The following JPH2 variants were observed in gnomAD, a reference collection of about 807,000 sequenced individuals.
JPH2 encodes junctophilin 2.
In JPH2, 38 loss-of-function variants were observed where a neutral mutation model predicts 55.9. The observed-to-expected ratio is 0.68, with a 90% CI of 0.52 to 0.89. The LOEUF (loss-of-function observed/expected upper bound fraction) is 0.89. Among genes scored for constraint, JPH2 ranks in the 40% least tolerant of loss-of-function variants. The pLI is 0.00. For missense variants in JPH2, 964 were observed against 1,037.6 expected (o/e 0.93, Z 0.97); for synonymous variants, 480 against 472.4 (o/e 1.02, Z -0.21).
At chr20:44,127,356 A>C (rs2072284455) in intron 2 of JPH2, among the ~76,000 whole-genome samples, 1 of 152,034 alleles carries the variant, frequency 6.6e-6, no homozygotes. Context: ...TGGTAACTCT[A>C]TGTTTAACTT....
rs529346091 is a variant in JPH2, at chr20:44,109,945, T to C, written c.*3573A>G. ...AGACCTCAAGGCAGTGGGCCAGCAT[T>C]GCTTTTAAGTTCATGCATGGTACAA... On this transcript the variant is annotated 3_prime_UTR_variant, in exon 6 of 6. Transcript: ENST00000372980. 7.4e-4 allele frequency among the ~76,000 whole-genome samples: 113 copies of C among 152,126 alleles called. No individual in the cohort carries two copies. Among genetic ancestry groups the C allele is most frequent in the Non-Finnish European group, 1.5e-3 (99 of 68,028 alleles).
intron 2 of JPH2, among the ~76,000 whole-genome samples, chr20:44,136,777 G>C (rs2072416368): frequency 6.6e-6 from 1 of 152,114 alleles, no homozygotes; most frequent in South Asian, 2.1e-4. Context: ...ACCTCTCCCA[G>C]TCTCAGTTTC....
At chr20:44,182,198 T>C (rs1413393897) in intron 1 of JPH2, among the ~76,000 whole-genome samples, 1 of 152,184 alleles carries the variant, frequency 6.6e-6, no homozygotes, top group Non-Finnish European at 1.5e-5. Flanking sequence ...ATCTTATTTG[T>C]CCACATCCCC....
chr20:44,144,195 GAAGTC>G lies in JPH2; in HGVS notation c.1169+15418_1169+15422del, dbSNP rs201046820. ...CAGGGACTCACTGGTATGGACTTAG[GAAGTC>G]AAGTGGAAGTTGGACTGGGCTTTGG... On this transcript the variant is annotated intron_variant, in intron 2 of 5. Coordinates refer to ENST00000372980, the MANE Select transcript of JPH2 (RefSeq NM_020433.5). 1.5e-3 allele frequency among the ~76,000 whole-genome samples: 233 copies of G among 152,304 alleles called. 3 individuals carry two copies. The East Asian group carries it at 0.041, about 27-fold the overall frequency.
rs2072137350 is a variant in JPH2 at position 44,110,883 on chromosome 20, G to T, written c.*2635C>A. On this transcript the variant is annotated 3_prime_UTR_variant, in exon 6 of 6. Transcript: ENST00000372980. ...GAGTGAGGGAGCACATGGCCCATCA[G>T]TGATAGGGCTGGGTTGGGTAGGGGA... 6.6e-6 allele frequency among the ~76,000 whole-genome samples: 1 copy of T among 152,238 alleles called. No homozygotes were observed. Among genetic ancestry groups the T allele is most frequent in the South Asian group, 2.1e-4 (1 of 4,832 alleles).
intron 2 of JPH2, among the ~76,000 whole-genome samples, chr20:44,122,481 TTGA>T (rs1348473769): frequency 6.6e-6 from 1 of 152,206 alleles, no homozygotes; most frequent in East Asian, 1.9e-4. Flanking sequence ...AAATAAATCC[TTGA>T]TGAACAACCT....
intron 2 of JPH2, among the ~76,000 whole-genome samples, chr20:44,120,952 G>A (rs762464860): frequency 7.2e-5 from 11 of 152,308 alleles, no homozygotes; most frequent in Non-Finnish European, 1.3e-4. Flanking sequence ...GGACCAGAAA[G>A]GCTACTGTCA....
rs148470083 is a variant in JPH2 at position 44,142,123 on chromosome 20, G to A, written c.1169+17495C>T. On this transcript the variant is annotated intron_variant, in intron 2 of 5. Transcript: ENST00000372980. ...TACCCACTTTGGGAGGTGAGGAAAGGCCCCCAGGATGTGTGCCCAGTTATG... is the reference window on the plus strand; with the variant it reads ...TACCCACTTTGGGAGGTGAGGAAAGACCCCCAGGATGTGTGCCCAGTTATG... Among the ~76,000 whole-genome samples, 13 of 152,210 alleles carry A rather than the reference G, an allele frequency of 8.5e-5. No individual in the cohort carries two copies. The East Asian group carries it at 2.3e-3, about 27-fold the overall frequency.
At chr20:44,127,196 A>C (rs764066314) in intron 2 of JPH2, among the ~76,000 whole-genome samples, 17 of 152,200 alleles carry the variant, frequency 1.1e-4, no homozygotes, top group Non-Finnish European at 2.4e-4. Context: ...TATTTTGTTT[A>C]CCTGTTCAAT....
intron 1 of JPH2, among the ~76,000 whole-genome samples, chr20:44,180,974 G>T (rs1049114555): frequency 6.6e-6 from 1 of 152,018 alleles, no homozygotes; most frequent in Non-Finnish European, 1.5e-5. Flanking sequence ...GCTGGGGCAT[G>T]TGCGGATGCT....
At chr20:44,144,715 C>T (rs1301934274) in intron 2 of JPH2, among the ~76,000 whole-genome samples, 1 of 152,166 alleles carries the variant, frequency 6.6e-6, no homozygotes, top group Non-Finnish European at 1.5e-5. Context: ...TGTCAGTTCT[C>T]GTGTGAGTTT....
At chr20:44,118,365 C>CA (rs1272684080) in intron 3 of JPH2, 140 bp downstream of exon 3, 3 of 773,644 alleles carry the variant, frequency 3.9e-6, no homozygotes, top group Non-Finnish European at 7.0e-6. Flanking sequence ...CATCCCATCC[C>CA]ACATTTGCAC....
At chr20:44,146,450 C>T (rs755697513) in intron 2 of JPH2, among the ~76,000 whole-genome samples, 5 of 152,172 alleles carry the variant, frequency 3.3e-5, no homozygotes, top group South Asian at 2.1e-4. Context: ...CTCGAGAATC[C>T]GGCTCTGACA....
chr20:44,151,820 C>T (rs1033875163), intron 2 of JPH2, among the ~76,000 whole-genome samples: 3 of 152,238 alleles, frequency 2.0e-5, no homozygotes, highest in Non-Finnish European at 4.4e-5. Context: ...CCCATTCCAG[C>T]ATTCTGGATG....
At chr20:44,152,713 G>C (rs2072539979) in intron 2 of JPH2, among the ~76,000 whole-genome samples, 1 of 152,206 alleles carries the variant, frequency 6.6e-6, no homozygotes, top group Non-Finnish European at 1.5e-5. Flanking sequence ...CCATGGTGTG[G>C]AAATGAGTGT....
chr20:44,115,934 A>G lies in JPH2; in HGVS notation c.1741T>C (p.Phe581Leu). Residue 581 changes from phenylalanine (F) to leucine (L), a missense_variant, in exon 4 of 6, where the codon TTT becomes CTT. Phe to Leu is a conservative substitution (Grantham distance 22). Coordinates refer to ENST00000372980, the MANE Select transcript of JPH2 (RefSeq NM_020433.5). Reference sequence around the variant, plus strand: ...ACCTCGGGCTCGGGCTGGTCCTCAAAGGGTGGGGGCTCGGGCGGCGTGGTG... The same window carrying G: ...ACCTCGGGCTCGGGCTGGTCCTCAAGGGGTGGGGGCTCGGGCGGCGTGGTG... The part of the protein sequence containing the change: ...VRTTPPEPPP[F>L]EDQPEPEVSG... 1 of 1,570,344 alleles carries G rather than the reference A, an allele frequency of 6.4e-7. No individual in the cohort carries two copies.
intron 2 of JPH2, among the ~76,000 whole-genome samples, chr20:44,144,980 TGGA>T (rs3092467): frequency 0.71 from 107,419 of 151,676 alleles, 38,650 homozygotes; most frequent in Admixed American, 0.8. Context: ...GATGAAGAAA[TGGA>T]GGTACAGGAA....
At chr20:44,145,686 A>G (rs1474026692) in intron 2 of JPH2, among the ~76,000 whole-genome samples, 1 of 151,694 alleles carries the variant, frequency 6.6e-6, no homozygotes. Context: ...AGATAAAAAC[A>G]TTCCTTTCCA....
At chr20:44,182,053 G>A (rs1177903085) in intron 1 of JPH2, among the ~76,000 whole-genome samples, 1 of 152,204 alleles carries the variant, frequency 6.6e-6, no homozygotes, top group East Asian at 1.9e-4. Flanking sequence ...ATTCATCCCA[G>A]GAGAAGTCTT....
Sources: allele counts gnomAD v4.1 joint callset (sites outside exome capture counted in the v4.1 genomes callset), GRCh38; gene constraint gnomAD v4.1.1; transcripts MANE v1.5; gene names NCBI Gene and HGNC (gene_info 2026-07-23, HGNC 2026-07-21).